The following DNER variants were observed in gnomAD, a reference collection of about 807,000 sequenced individuals.
The protein encoded by DNER is delta and Notch-like epidermal growth factor-related receptor.
DNER carries 33 observed loss-of-function variants against 78.2 expected under a neutral mutation model. The observed-to-expected ratio is 0.42, with a 90% CI of 0.32 to 0.56. DNER has a LOEUF of 0.56. Ranked by LOEUF, DNER falls within the 20% of genes least tolerant of loss-of-function variation. DNER has a pLI of 0.11. For synonymous variants in DNER, 417 were observed against 384.8 expected, an observed-to-expected ratio of 1.08 and a Z score of -0.98; for missense variants, 918 against 975.3, an observed-to-expected ratio of 0.94 and a Z score of 0.78.
rs370176934 is a variant in DNER, at chr2:229,564,665, G to A, written c.848-17573C>T. Among the ~76,000 whole-genome samples the A allele has an allele frequency of 5.3e-3, 379 of 71,820 alleles. 1 individual carries two copies. The highest frequency in any genetic ancestry group is 0.019 in the African/African-American group (336 of 18,056). The allele number at this position is 71,820 out of a possible 152,430, so 47.1% of individuals were successfully genotyped here. On this transcript the variant is annotated intron_variant, in intron 4 of 12. Coordinates refer to ENST00000341772, the MANE Select transcript of DNER (RefSeq NM_139072.4). ...CCATCACCACCATCATCATCACCCC[G>A]TCACCATCATCATCATCATCCTCAC...
chr2:229,557,687 G>T (rs1345649298), intron 4 of DNER, among the ~76,000 whole-genome samples: 3 of 151,424 alleles, frequency 2.0e-5, no homozygotes, highest in Admixed American at 2.0e-4. Flanking sequence ...TAAGAAGGGT[G>T]ATGGGAAAAG....
intron 8 of DNER, among the ~76,000 whole-genome samples, chr2:229,428,988 C>T (rs1330391986): frequency 1.3e-5 from 2 of 152,128 alleles, no homozygotes; most frequent in Non-Finnish European, 2.9e-5. Context: ...AAAAACTGGT[C>T]CAGAACATGA....
intron 12 of DNER, among the ~76,000 whole-genome samples, chr2:229,363,273 A>G (rs542390013): frequency 6.6e-6 from 1 of 152,112 alleles, no homozygotes; most frequent in African/African-American, 2.4e-5. Flanking sequence ...CGTGTGACCC[A>G]CTCCATGTGC....
chr2:229,661,957 C>T (rs1482852556), intron 1 of DNER, among the ~76,000 whole-genome samples: 3 of 152,176 alleles, frequency 2.0e-5, no homozygotes, highest in Admixed American at 2.0e-4. Context: ...AAAACTCCAG[C>T]AGGCAGCCAC....
chr2:229,654,999 C>CT (rs950748460), intron 1 of DNER, among the ~76,000 whole-genome samples: 2 of 152,076 alleles, frequency 1.3e-5, no homozygotes, highest in African/African-American at 4.8e-5. Flanking sequence ...ATTGTTAAAA[C>CT]ATCTTTCAGA....
intron 1 of DNER, among the ~76,000 whole-genome samples, chr2:229,669,126 A>T (rs559533818): frequency 6.6e-6 from 1 of 152,218 alleles, no homozygotes; most frequent in African/African-American, 2.4e-5. Context: ...ACAGAAAACC[A>T]AATACCACAT....
rs1553539196 is a variant in DNER at position 229,551,953 on chromosome 2, T to TAAATAAATA, written c.848-4862_848-4861insTATTTATTT. ...CTCAAAAAATAAATAAATAAATAAA[T>TAAATAAATA]AAATAAAATAATAAGTATGTATATA... On this transcript the variant is annotated intron_variant, in intron 4 of 12. Coordinates refer to ENST00000341772, the MANE Select transcript of DNER (RefSeq NM_139072.4). Among the ~76,000 whole-genome samples, 70 of 151,780 alleles carry TAAATAAATA rather than the reference T, an allele frequency of 4.6e-4. 1 individual carries two copies. The highest frequency in any genetic ancestry group is 1.2e-3 in the Admixed American group (19 of 15,242).
chr2:229,678,018 A>T (rs1243718033), intron 1 of DNER, among the ~76,000 whole-genome samples: 2 of 152,200 alleles, frequency 1.3e-5, no homozygotes, highest in African/African-American at 4.8e-5. Context: ...CATAAATTGC[A>T]CTCATATTTG....
intron 1 of DNER, among the ~76,000 whole-genome samples, chr2:229,681,874 C>A (rs149796869): frequency 7.6e-6 from 1 of 132,236 alleles, no homozygotes; most frequent in Non-Finnish European, 1.7e-5. Flanking sequence ...ACAAATGTAT[C>A]GTATAACATG....
intron 1 of DNER, among the ~76,000 whole-genome samples, chr2:229,695,133 C>T (rs1346316951): frequency 6.6e-6 from 1 of 152,228 alleles, no homozygotes; most frequent in Non-Finnish European, 1.5e-5. Context: ...TTTGCTTCCC[C>T]TTTCACCATG....
At chr2:229,633,546 A>C (rs1698475344) in intron 1 of DNER, among the ~76,000 whole-genome samples, 1 of 152,284 alleles carries the variant, frequency 6.6e-6, no homozygotes, top group Non-Finnish European at 1.5e-5. Context: ...AATCCAAAGT[A>C]ATATAAACAA....
chr2:229,673,083 G>A (rs1559204094), intron 1 of DNER, among the ~76,000 whole-genome samples: 1 of 152,134 alleles, frequency 6.6e-6, no homozygotes, highest in African/African-American at 2.4e-5. Flanking sequence ...CATCTGCCAG[G>A]GATCCACTTT....
intron 6 of DNER, among the ~76,000 whole-genome samples, chr2:229,481,545 A>C (rs1695159141): frequency 6.7e-6 from 1 of 149,108 alleles, no homozygotes. Context: ...TGGATACCTA[A>C]GATCTACACA....
At position 229,366,883 on chromosome 2, in the gene DNER, G is replaced by A. The variant is rs770173487; in HGVS notation, c.2092C>T (p.Arg698Trp). The change falls in exon 12 of 13, where the codon CGG becomes TGG. Residue 698 changes from arginine (R) to tryptophan (W), a missense_variant. By Grantham distance (101) the Arg-to-Trp change is moderately radical. Coordinates refer to ENST00000341772, the MANE Select transcript of DNER (RefSeq NM_139072.4). Reference protein sequence around the residue: ...SEFSNAIASIRHARFGKKSRP... With the variant: ...SEFSNAIASIWHARFGKKSRP... ...GCCCCCACAGCCAACCTGGCATGCC[G>A]GATGGATGCAATGGCATTGCTGAAC... The A allele has an allele frequency of 1.7e-5, 27 of 1,614,164 alleles. No individual in the cohort carries two copies. The highest frequency in any genetic ancestry group is 8.9e-5 in the East Asian group (4 of 44,884).
rs138012983 is a variant in DNER, at chr2:229,485,187, G to C, written c.1148-7934C>G. ...AGTTGTGACTCAGGGTACATGGTAA[G>C]GATGCCCTTTGAGGACATATGGCAC... On this transcript the variant is annotated intron_variant, in intron 6 of 12. Coordinates refer to ENST00000341772, the MANE Select transcript of DNER (RefSeq NM_139072.4). Among the ~76,000 whole-genome samples, 627 of 152,306 alleles carry C rather than the reference G, an allele frequency of 4.1e-3. 6 individuals carry two copies. The highest frequency in any genetic ancestry group is 0.014 in the African/African-American group (577 of 41,556).
At chr2:229,627,459 C>A (rs960351496) in intron 1 of DNER, among the ~76,000 whole-genome samples, 2 of 152,108 alleles carry the variant, frequency 1.3e-5, no homozygotes, top group Non-Finnish European at 2.9e-5. Flanking sequence ...GGTACCCAAC[C>A]TTTCTAGACT....
intron 8 of DNER, among the ~76,000 whole-genome samples, chr2:229,425,484 A>G (rs912370640): frequency 2.0e-5 from 3 of 152,148 alleles, no homozygotes; most frequent in African/African-American, 7.2e-5. Flanking sequence ...CCTGCTCCAG[A>G]ACAGGACACT....
At chr2:229,681,131 A>G (rs1011310093) in intron 1 of DNER, among the ~76,000 whole-genome samples, 2 of 152,152 alleles carry the variant, frequency 1.3e-5, no homozygotes. Context: ...TTGTGTAAAC[A>G]CTCCCAGTAT....
intron 1 of DNER, among the ~76,000 whole-genome samples, chr2:229,688,182 G>A (rs906187392): frequency 6.6e-5 from 10 of 152,190 alleles, no homozygotes; most frequent in African/African-American, 1.9e-4. Flanking sequence ...GGACTGGTCC[G>A]CCCACAGGGA....
Sources: gnomAD v4.1 joint callset for allele counts (sites outside exome capture counted in the v4.1 genomes callset) on GRCh38, gnomAD v4.1.1 for gene constraint, MANE v1.5 for transcripts, NCBI Gene and HGNC (gene_info 2026-07-23, HGNC 2026-07-21) for gene names.